Variants in LPXN observed in about 807,000 individuals in gnomAD.
LPXN encodes the protein leupaxin.
LPXN carries 28 observed loss-of-function variants against 45.6 expected under a neutral mutation model. That is an observed-to-expected ratio of 0.61 (90% CI 0.45 to 0.84). The LOEUF is 0.84. LPXN is among the 40% of genes least tolerant of loss of function. The probability of loss-of-function intolerance (pLI) is 0.00; values close to 1 mark genes in which losing one functional copy is unlikely to be tolerated. For synonymous variants in LPXN, 166 were observed against 169.9 expected (o/e 0.98, Z 0.18); for missense variants, 459 against 475.0 (o/e 0.97, Z 0.31).
intron 7 of LPXN, 61 bp downstream of exon 7, chr11:58,549,725 G>A (rs1203830154): frequency 1.4e-6 from 2 of 1,432,384 alleles, no homozygotes; most frequent in Non-Finnish European, 2.0e-6. Flanking sequence ...CAGGAAAGGT[G>A]TTGCTGGTCT....
At chr11:58,534,027 GTTC>G (rs896326146) in intron 7 of LPXN, among the ~76,000 whole-genome samples, 4 of 152,146 alleles carry the variant, frequency 2.6e-5, no homozygotes, top group Admixed American at 2.6e-4. Flanking sequence ...CATAAAGCAA[GTTC>G]TTAGAGACCT....
intron 4 of LPXN, 27 bp from the exon 5 acceptor site, chr11:58,551,259 G>C: frequency 6.4e-7 from 1 of 1,564,302 alleles, no homozygotes; most frequent in African/African-American, 1.4e-5. Flanking sequence ...ACCAAGAACA[G>C]AATCAGCCTC....
At position 58,570,758 on chromosome 11, in the gene LPXN, T is replaced by C. The variant is rs778353995; in HGVS notation, c.14-45A>G. The C allele has an allele frequency of 4.8e-6, 7 of 1,460,788 alleles. No homozygotes were observed. The Admixed American group carries it at 1.3e-4, about 27-fold the overall frequency. 90.5% of individuals were successfully genotyped at this position (1,460,788 alleles called of 1,614,324 possible). A position where few individuals can be genotyped will look rare whatever the true frequency, so the allele number is the denominator to read the frequency against. On this transcript the variant is annotated intron_variant, in intron 1 of 8. Transcript: ENST00000395074. ...AGAATCATGACAGAGAATATTTAAA[T>C]CCCTACAGTCATTTTCTCCTTAAAT...
intron 3 of LPXN, among the ~76,000 whole-genome samples, chr11:58,560,373 C>T (rs868730681): frequency 3.8e-4 from 58 of 152,250 alleles, no homozygotes; most frequent in Non-Finnish European, 5.6e-4. Context: ...AAAATTAACA[C>T]ATGTTAAGTG....
intron 3 of LPXN, among the ~76,000 whole-genome samples, chr11:58,557,223 C>T (rs143304203): frequency 3.7e-4 from 57 of 152,246 alleles, no homozygotes; most frequent in Middle Eastern, 3.4e-3. Flanking sequence ...ATTACCACTT[C>T]GTAAAGATCT....
chr11:58,556,331 A>C (rs1854203608), intron 3 of LPXN, among the ~76,000 whole-genome samples: 2 of 152,106 alleles, frequency 1.3e-5, no homozygotes, highest in Admixed American at 6.5e-5. Context: ...GACATTTAAC[A>C]ACCATTCCTG....
rs1299936707 is a variant in LPXN, at chr11:58,527,674, C to T, written c.941G>A (p.Arg314His). ...STGSFFELDG[R>H]PFCELHYHHR... is the part of the protein sequence containing the mutation. The stretch of plus-strand genomic sequence containing the variant: ...ATGGTAATGGAGCTCACAGAATGGA[C>T]GTCCATCCAGTTCAAAGAAGGAGCC... The change falls in exon 9 of 9, where the codon CGT (arginine) becomes CAT (histidine). Residue 314 changes from arginine to histidine, a missense_variant. By Grantham distance (29) the Arg-to-His change is conservative. Coordinates refer to ENST00000395074, the MANE Select transcript of LPXN (RefSeq NM_004811.3). 4.3e-6 allele frequency: 7 copies of T among 1,613,874 alleles called. No individual in the cohort carries two copies. The highest frequency in any genetic ancestry group is 3.3e-4 in the Middle Eastern group (2 of 6,084).
chr11:58,555,841 A>T (rs1179212679), intron 3 of LPXN, among the ~76,000 whole-genome samples: 1 of 152,100 alleles, frequency 6.6e-6, no homozygotes. Flanking sequence ...ATATATAAAT[A>T]GACTTAAGTG....
intron 2 of LPXN, among the ~76,000 whole-genome samples, chr11:58,566,098 T>C (rs1854519763): frequency 6.6e-6 from 1 of 152,202 alleles, no homozygotes; most frequent in South Asian, 2.1e-4. Flanking sequence ...GATATTATTG[T>C]CTCTAGCATT....
intron 2 of LPXN, among the ~76,000 whole-genome samples, chr11:58,565,963 A>C (rs942045471): frequency 2.0e-5 from 3 of 152,118 alleles, no homozygotes; most frequent in Non-Finnish European, 2.9e-5. Context: ...ATGCCACTGA[A>C]CTCCAGCCTG....
At chr11:58,539,456 G>A (rs962681778) in intron 7 of LPXN, among the ~76,000 whole-genome samples, 9 of 152,284 alleles carry the variant, frequency 5.9e-5, no homozygotes, top group Admixed American at 4.6e-4. Context: ...ATGATTCCAA[G>A]TATGTGGCAG....
At chr11:58,533,950 G>T (rs1853472617) in intron 7 of LPXN, among the ~76,000 whole-genome samples, 2 of 152,248 alleles carry the variant, frequency 1.3e-5, no homozygotes, top group South Asian at 4.1e-4. Flanking sequence ...ATGGTAAAGG[G>T]ATTAATGCAA....
At position 58,570,584 on chromosome 11, in the gene LPXN, G is replaced by C. The variant is rs1854661604; in HGVS notation, c.143C>G (p.Ser48Cys). The part of the protein sequence containing the change: ...TNLDETSEIL[S>C]IQDNTSPLPA... ...CAAGGGACTTGTGTTATCCTGAATA[G>C]AAAGGATCTCCGAAGTCTCATCAAG... The change falls in exon 2 of 9, where the codon TCT becomes TGT. Residue 48 changes from serine (S) to cysteine (C), a missense_variant. Physicochemically the swap from Ser to Cys is moderately radical, Grantham distance 112. Transcript: ENST00000395074. 3.1e-6 allele frequency: 5 copies of C among 1,612,974 alleles called. No homozygotes were observed. Among genetic ancestry groups the C allele is most frequent in the African/African-American group, 1.3e-5 (1 of 74,908 alleles).
At chr11:58,578,126 A>C, upstream of LPXN, 1 of 1,510,918 alleles carries the variant, frequency 6.6e-7, no homozygotes, top group Non-Finnish European at 8.9e-7. Context: ...AGACACCCCG[A>C]GAAAGGTACG....
chr11:58,552,386 C>T (rs923044270), intron 4 of LPXN, among the ~76,000 whole-genome samples: 3 of 152,108 alleles, frequency 2.0e-5, no homozygotes, highest in Non-Finnish European at 4.4e-5. Flanking sequence ...CTACTCCTTT[C>T]CAGCTGGGCG....
chr11:58,576,620 G>C (rs1334000132), upstream of LPXN, among the ~76,000 whole-genome samples: 1 of 152,126 alleles, frequency 6.6e-6, no homozygotes, highest in African/African-American at 2.4e-5. Flanking sequence ...AATACGTAAG[G>C]AACTATAATT....
At chr11:58,559,945 A>G (rs1411662503) in intron 3 of LPXN, among the ~76,000 whole-genome samples, 1 of 152,196 alleles carries the variant, frequency 6.6e-6, no homozygotes, top group Non-Finnish European at 1.5e-5. Context: ...AAGTATGAAT[A>G]TGCACACACA....
Position 58,527,237 on chromosome 11 carries a change from G to C in LPXN, c.*217C>G, listed in dbSNP as rs1170668195. On this transcript the variant is annotated 3_prime_UTR_variant, in exon 9 of 9. Transcript: ENST00000395074. ...CAAGTGCTTGATTGGAGAAGAGAGG[G>C]AGAAAGAGAATTTATAGAATTAACT... 7.7e-6 allele frequency: 4 copies of C among 521,708 alleles called. No homozygotes were observed. The highest frequency in any genetic ancestry group is 1.9e-5 in the African/African-American group (1 of 52,686). The allele number at this position is 521,708 out of a possible 1,614,324, so 32.3% of individuals were successfully genotyped here.
intron 7 of LPXN, among the ~76,000 whole-genome samples, chr11:58,531,009 C>T (rs1853370813): frequency 1.3e-5 from 2 of 152,190 alleles, no homozygotes; most frequent in African/African-American, 2.4e-5. Context: ...ATAGCATCAA[C>T]ATCAACAGAA....
Sources: gnomAD v4.1 joint callset for allele counts (sites outside exome capture counted in the v4.1 genomes callset) on GRCh38, gnomAD v4.1.1 for gene constraint, MANE v1.5 for transcripts, NCBI Gene and HGNC (gene_info 2026-07-23, HGNC 2026-07-21) for gene names.